The following LMBR1 variants were observed in gnomAD, a reference collection of about 807,000 sequenced individuals.
LMBR1 encodes limb development membrane protein 1, also known as limb region 1 protein homolog.
LMBR1 carries 52 observed loss-of-function variants against 73.9 expected under a neutral mutation model. The ratio of observed to expected loss-of-function variants is 0.70; its 90% confidence interval spans 0.56 to 0.89. The LOEUF (loss-of-function observed/expected upper bound fraction) is 0.89, where lower values mean the gene tolerates loss of function less well. LMBR1 is among the 40% of genes least tolerant of loss of function. LMBR1 has a pLI of 0.00. For synonymous variants in LMBR1, 215 were observed against 209.4 expected (o/e 1.03, Z -0.23); for missense variants, 539 against 579.8 (o/e 0.93, Z 0.72).
At position 156,792,767 on chromosome 7, in the gene LMBR1, C is replaced by A. The variant is rs1417509032; in HGVS notation, c.423+3622G>T. On this transcript the variant is annotated intron_variant, in intron 5 of 16. Coordinates refer to ENST00000353442, the MANE Select transcript of LMBR1 (RefSeq NM_022458.4). ...CTCTGCATCCGCCCATGGCCAGTGG[C>A]CAATTTCCGCATCTCGGCACAATAT... 1.3e-5 allele frequency among the ~76,000 whole-genome samples: 2 copies of A among 152,192 alleles called. No homozygotes were observed. Among genetic ancestry groups the A allele is most frequent in the African/African-American group, 2.4e-5 (1 of 41,430 alleles).
At chr7:156,734,118 A>G (rs1329338183) in intron 10 of LMBR1, 59 bp downstream of exon 10, 7 of 1,059,176 alleles carry the variant, frequency 6.6e-6, no homozygotes, top group East Asian at 2.4e-5. Context: ...AGACTACAGT[A>G]AAGTCTTTAA....
downstream of LMBR1, chr7:156,676,281 T>C (rs1372727825): frequency 7.7e-6 from 12 of 1,567,722 alleles, no homozygotes; most frequent in Non-Finnish European, 1.0e-5. Context: ...AAAATGCATG[T>C]GATTTTAACA....
intron 1 of LMBR1, among the ~76,000 whole-genome samples, chr7:156,842,896 T>C (rs1447589367): frequency 6.6e-6 from 1 of 152,108 alleles, no homozygotes; most frequent in African/African-American, 2.4e-5. Context: ...CTAACAGATA[T>C]CCTAGCTCTC....
At chr7:156,694,019 T>C (rs1036963900) in intron 15 of LMBR1, among the ~76,000 whole-genome samples, 2 of 152,204 alleles carry the variant, frequency 1.3e-5, no homozygotes, top group Admixed American at 1.3e-4. Flanking sequence ...CAATGTGATA[T>C]ACCACACTAG....
chr7:156,826,229 C>T (rs1320135576), intron 4 of LMBR1, among the ~76,000 whole-genome samples: 1 of 152,218 alleles, frequency 6.6e-6, no homozygotes, highest in Non-Finnish European at 1.5e-5. Context: ...ATCCACCCAC[C>T]TCGACCTCTC....
chr7:156,866,331 G>A (rs779820385), intron 1 of LMBR1, among the ~76,000 whole-genome samples: 10 of 152,074 alleles, frequency 6.6e-5, no homozygotes, highest in Non-Finnish European at 1.3e-4. Flanking sequence ...ATGAAGTAAG[G>A]TGAAACTTTT....
Position 156,885,629 on chromosome 7 carries a change from C to T in LMBR1, c.66+7299G>A, listed in dbSNP as rs1043254244. ...CATTGACTCACACCTGTAATCCCAG[C>T]ACTTTGGGAGGCCAAGGCAGGAGGA... On this transcript the variant is annotated intron_variant, in intron 1 of 16. Transcript: ENST00000353442. Among the ~76,000 whole-genome samples, 48 of 152,122 alleles carry T rather than the reference C, an allele frequency of 3.2e-4. 1 individual carries two copies. The highest frequency in any genetic ancestry group is 5.9e-5 in the Non-Finnish European group (4 of 68,026).
At chr7:156,860,137 T>C (rs1342447705) in intron 1 of LMBR1, among the ~76,000 whole-genome samples, 1 of 152,172 alleles carries the variant, frequency 6.6e-6, no homozygotes, top group Non-Finnish European at 1.5e-5. Flanking sequence ...CAAAATAGAT[T>C]GTATTAGTCT....
intron 5 of LMBR1, among the ~76,000 whole-genome samples, chr7:156,784,266 T>C (rs1827690966): frequency 6.6e-6 from 1 of 152,224 alleles, no homozygotes; most frequent in Admixed American, 6.5e-5. Flanking sequence ...TGTTCGTCTT[T>C]GAATTCTCTG....
intron 15 of LMBR1, among the ~76,000 whole-genome samples, chr7:156,707,083 C>G (rs1227708519): frequency 2.0e-5 from 3 of 151,904 alleles, no homozygotes; most frequent in Non-Finnish European, 2.9e-5. Context: ...TACAAAAGAT[C>G]ATCAGAGAAT....
chr7:156,670,959 A>G lies in LMBR1; in HGVS notation n.867-1672T>C, dbSNP rs1201858179. On this transcript the variant is annotated intron_variant and non_coding_transcript_variant, in intron 4 of 4. Transcript: ENST00000430825. The surrounding 1 kb of genome is among the most constrained non-coding windows in gnomAD (Gnocchi z 4.3). The stretch of plus-strand genomic sequence containing the variant: ...AACAAGAAAACTCATGTCTCAGGTT[A>G]AAAGAGAGAGAGAGCTTATGACAAA... Among the ~76,000 whole-genome samples the G allele has an allele frequency of 2.6e-5, 4 of 152,232 alleles. No homozygotes were observed. Among genetic ancestry groups the G allele is most frequent in the Admixed American group, 2.0e-4 (3 of 15,284 alleles).
At chr7:156,773,070 T>A (rs537045277) in intron 5 of LMBR1, among the ~76,000 whole-genome samples, 2 of 150,568 alleles carry the variant, frequency 1.3e-5, no homozygotes, top group African/African-American at 4.9e-5. Context: ...ACCAATAACA[T>A]CCAAGAATGG....
At chr7:156,873,178 T>C (rs1225090225) in intron 1 of LMBR1, among the ~76,000 whole-genome samples, 3 of 152,032 alleles carry the variant, frequency 2.0e-5, no homozygotes, top group South Asian at 4.1e-4. Context: ...CCTTCTGATG[T>C]TCAGATGTGT....
At chr7:156,831,691 C>A (rs942936960) in intron 3 of LMBR1, among the ~76,000 whole-genome samples, 3 of 152,102 alleles carry the variant, frequency 2.0e-5, no homozygotes, top group African/African-American at 7.2e-5. Context: ...GCCAGCTGCC[C>A]CAAAAGCAGG....
chr7:156,885,736 G>A (rs1008531204), intron 1 of LMBR1, among the ~76,000 whole-genome samples: 7 of 151,752 alleles, frequency 4.6e-5, no homozygotes, highest in East Asian at 2.0e-4. Flanking sequence ...AACATTAGCC[G>A]GGCATGGTGG....
At chr7:156,764,190 C>T (rs1023137091) in intron 5 of LMBR1, among the ~76,000 whole-genome samples, 4 of 152,256 alleles carry the variant, frequency 2.6e-5, no homozygotes, top group East Asian at 1.9e-4. Flanking sequence ...CACAATGCTC[C>T]GAGCTGCTGG....
chr7:156,803,337 C>T lies in LMBR1; in HGVS notation c.320-6845G>A, dbSNP rs1017299989. ...ACAAACAACCCCATCAAAAAGTGGGCGAAGGATATGAACAGACACTTCTCA... is the reference window on the plus strand; with the variant it reads ...ACAAACAACCCCATCAAAAAGTGGGTGAAGGATATGAACAGACACTTCTCA... On this transcript the variant is annotated intron_variant, in intron 4 of 16. Coordinates refer to ENST00000353442, the MANE Select transcript of LMBR1 (RefSeq NM_022458.4). Among the ~76,000 whole-genome samples the T allele has an allele frequency of 4.0e-4, 61 of 151,782 alleles. No homozygotes were observed. In the Middle Eastern group the frequency reaches 0.017, roughly 42 times the overall value.
At position 156,680,159 on chromosome 7, in the gene LMBR1, A is replaced by C. The variant is rs976508359; in HGVS notation, c.*3919T>G. 15 of 152,236 alleles carry C rather than the reference A, an allele frequency of 9.9e-5. No homozygotes were observed. The highest frequency in any genetic ancestry group is 3.6e-4 in the African/African-American group (15 of 41,536). The allele number at this position is 152,236 out of a possible 1,614,324, so 9.4% of individuals were successfully genotyped here. On this transcript the variant is annotated 3_prime_UTR_variant, in exon 17 of 17. Coordinates refer to ENST00000353442, the MANE Select transcript of LMBR1 (RefSeq NM_022458.4). ...CAATATTCAAAAACCAAAAAAAAAA[A>C]AAACTCCAAAAAGGTCTTTGTATTA... is the stretch of plus-strand genomic sequence containing the variant.
chr7:156,886,784 T>C (rs1008061017), intron 1 of LMBR1, among the ~76,000 whole-genome samples: 1 of 152,262 alleles, frequency 6.6e-6, no homozygotes, highest in Non-Finnish European at 1.5e-5. Flanking sequence ...TTGCCTGGCA[T>C]GGCCCTACAT....
Sources: gnomAD v4.1 joint callset for allele counts (sites outside exome capture counted in the v4.1 genomes callset) on GRCh38, gnomAD v4.1.1 for gene constraint, Gnocchi (gnomAD v3.1) non-coding constraint, MANE v1.5 for transcripts, NCBI Gene and HGNC (gene_info 2026-07-23, HGNC 2026-07-21) for gene names.